MEP1B: variants seen among roughly 807,000 people sequenced by gnomAD.
The protein encoded by MEP1B is meprin A subunit beta.
A neutral mutation model predicts 84.6 loss-of-function variants in MEP1B; 80 were observed. The ratio of observed to expected loss-of-function variants is 0.95; its 90% CI spans 0.79 to 1.14. The LOEUF (loss-of-function observed/expected upper bound fraction) is 1.14, where lower values mean the gene tolerates loss of function less well. Ranked by LOEUF, MEP1B falls within the 50% of genes most tolerant of loss-of-function variation. The probability of loss-of-function intolerance (pLI) is 0.00; values close to 1 mark genes in which losing one functional copy is unlikely to be tolerated. For synonymous variants in MEP1B, 273 were observed against 288.1 expected, an observed-to-expected ratio of 0.95 and a Z score of 0.53; for missense variants, 766 against 855.1, an observed-to-expected ratio of 0.90 and a Z score of 1.30.
intron 7 of MEP1B, among the ~76,000 whole-genome samples, chr18:32,205,809 T>C (rs1463900843): frequency 6.6e-6 from 1 of 152,186 alleles, no homozygotes; most frequent in Non-Finnish European, 1.5e-5. Flanking sequence ...CATAATTGTA[T>C]ATACTTATGT....
intron 10 of MEP1B, among the ~76,000 whole-genome samples, 188 bp downstream of exon 10, chr18:32,210,904 T>A (rs564866614): frequency 1.3e-5 from 2 of 152,210 alleles, no homozygotes. Flanking sequence ...TGCTCTGTTA[T>A]GTAACACTCA....
intron 11 of MEP1B, among the ~76,000 whole-genome samples, chr18:32,214,868 A>G (rs554890194): frequency 6.6e-6 from 1 of 152,198 alleles, no homozygotes. Flanking sequence ...CTTATTCTAG[A>G]GTGTGGTCCT....
chr18:32,201,179 C>T (rs571655505), intron 5 of MEP1B, among the ~76,000 whole-genome samples: 1 of 152,128 alleles, frequency 6.6e-6, no homozygotes, highest in Non-Finnish European at 1.5e-5. Flanking sequence ...CTGTTTAAAA[C>T]AGTGATATGG....
chr18:32,196,075 C>G lies in MEP1B; in HGVS notation c.250+590C>G. 2.2e-6 allele frequency: 1 copy of G among 453,914 alleles called. No homozygotes were observed. The highest frequency in any genetic ancestry group is 4.1e-6 in the Non-Finnish European group (1 of 244,716). 28.1% of individuals were successfully genotyped at this position (453,914 alleles called of 1,614,324 possible). A position where few individuals can be genotyped will look rare whatever the true frequency, so the allele number is the denominator to read the frequency against. Reference sequence around the variant, plus strand: ...GTCATTGGCAGCCCGGGGCTGGGAACCCAGGTCCTCTGGTGCCCCCGCTGG... The same window carrying G: ...GTCATTGGCAGCCCGGGGCTGGGAAGCCAGGTCCTCTGGTGCCCCCGCTGG... On this transcript the variant is annotated intron_variant, in intron 5 of 14. Coordinates refer to ENST00000269202, the MANE Select transcript of MEP1B (RefSeq NM_005925.3). This position sits in a 1 kb window ranked among gnomAD's most constrained non-coding sequence, Gnocchi z 4.4.
In MEP1B at chr18:32,196,271, T is replaced by C; in HGVS notation, c.250+786T>C. 1.4e-6 allele frequency: 1 copy of C among 707,618 alleles called. No individual in the cohort carries two copies. The highest frequency in any genetic ancestry group is 2.6e-6 in the Non-Finnish European group (1 of 377,690). The allele number at this position is 707,618 out of a possible 1,614,324, so 43.8% of individuals were successfully genotyped here. A position where few individuals can be genotyped will look rare whatever the true frequency, so the allele number is the denominator to read the frequency against. ...AACTGCTCCAAGACGCTGGCCATGCTGGGGGCTGTGAAGTTGAGGGGCGGG... is the reference window on the plus strand; with the variant it reads ...AACTGCTCCAAGACGCTGGCCATGCCGGGGGCTGTGAAGTTGAGGGGCGGG... On this transcript the variant is annotated intron_variant, in intron 5 of 14. Transcript: ENST00000269202. This position sits in a 1 kb window ranked among gnomAD's most constrained non-coding sequence, Gnocchi z 4.4.
intron 7 of MEP1B, among the ~76,000 whole-genome samples, chr18:32,205,018 G>C (rs2040950206): frequency 1.3e-5 from 2 of 152,120 alleles, no homozygotes; most frequent in African/African-American, 4.8e-5. Flanking sequence ...TCCAATACAT[G>C]CTTTTGGGGG....
Position 32,210,707 on chromosome 18 carries a change from G to T in MEP1B, c.1126G>T (p.Glu376Ter). 5 of 1,612,330 alleles carry T rather than the reference G, an allele frequency of 3.1e-6. No individual in the cohort carries two copies. Among genetic ancestry groups the T allele is most frequent in the South Asian group, 1.1e-5 (1 of 90,998 alleles). ...GGATGGCAATTTAACCCTTGTGGAAGAAATAAAAGGTACAATGTCAACATC... is the reference window on the plus strand; with the variant it reads ...GGATGGCAATTTAACCCTTGTGGAATAAATAAAAGGTACAATGTCAACATC... The part of the protein sequence containing the change: ...NVDGNLTLVE[E>*]IKEIPTGSWQ... The change falls in exon 10 of 15, where the codon GAA becomes TAA. Residue 376 changes from glutamate to a stop codon, truncating the protein, a stop_gained. Transcript: ENST00000269202. LOFTEE classifies it high-confidence loss of function.
rs1393658062 is a variant in MEP1B at position 32,215,612 on chromosome 18, CA to C, written c.1759+352del. Among the ~76,000 whole-genome samples the C allele has an allele frequency of 3.3e-5, 5 of 152,220 alleles. No homozygotes were observed. In the East Asian group the frequency reaches 5.8e-4, roughly 18 times the overall value. On this transcript the variant is annotated intron_variant, in intron 12 of 14. Transcript: ENST00000269202. ...GACCGAGGCGAGTGGATCACGAGGTCAGGAGATCGAGACCATCCTGGCTAAC... is the reference window on the plus strand; with the variant it reads ...GACCGAGGCGAGTGGATCACGAGGTCGGAGATCGAGACCATCCTGGCTAAC...
At position 32,196,987 on chromosome 18, in the gene MEP1B, A is replaced by C. The variant is rs1447840137; in HGVS notation, c.250+1502A>C. 4.4e-6 allele frequency: 1 copy of C among 226,142 alleles called. No homozygotes were observed. The highest frequency in any genetic ancestry group is 2.3e-5 in the African/African-American group (1 of 43,384). 14.0% of individuals were successfully genotyped at this position (226,142 alleles called of 1,614,324 possible). A position where few individuals can be genotyped will look rare whatever the true frequency, so the allele number is the denominator to read the frequency against. Reference sequence around the variant, plus strand: ...TCACAGGGAGCCAGTCTTTATTTTAAAGCAGTGGTTTACCCTATGATCAAT... The same window carrying C: ...TCACAGGGAGCCAGTCTTTATTTTACAGCAGTGGTTTACCCTATGATCAAT... On this transcript the variant is annotated intron_variant, in intron 5 of 14. Coordinates refer to ENST00000269202, the MANE Select transcript of MEP1B (RefSeq NM_005925.3). The surrounding 1 kb of genome is among the most constrained non-coding windows in gnomAD (Gnocchi z 4.4).
intron 7 of MEP1B, among the ~76,000 whole-genome samples, chr18:32,205,892 T>C (rs1477792762): frequency 1.3e-5 from 2 of 152,236 alleles, no homozygotes; most frequent in African/African-American, 2.4e-5. Context: ...AGCCATCACC[T>C]CACTTATCAT....
At chr18:32,219,875 A>G (rs186570144) in intron 14 of MEP1B, among the ~76,000 whole-genome samples, 2 of 152,200 alleles carry the variant, frequency 1.3e-5, no homozygotes, top group Admixed American at 1.3e-4. Context: ...GGGTCATTTA[A>G]ACACATTCCT....
In MEP1B at chr18:32,192,805, C is replaced by T; in HGVS notation, c.159C>T (p.Ile53=). The change falls in exon 4 of 15, where the codon ATC becomes ATT. Residue 53 remains isoleucine (I), a synonymous_variant. Coordinates refer to ENST00000269202, the MANE Select transcript of MEP1B (RefSeq NM_005925.3). The part of the protein sequence containing the change: ...GLGLDLFEGD[I]RLDRAQIRNS... ...GACTGGATCTTTTTGAGGGTGACATCAGACTTGATAGGGTGAGTTGAAACA... is the reference window on the plus strand; with the variant it reads ...GACTGGATCTTTTTGAGGGTGACATTAGACTTGATAGGGTGAGTTGAAACA... 6.2e-7 allele frequency: 1 copy of T among 1,612,434 alleles called. No homozygotes were observed. Among genetic ancestry groups the T allele is most frequent in the Non-Finnish European group, 8.5e-7 (1 of 1,179,094 alleles).
At chr18:32,199,944 A>G (rs2040895288) in intron 5 of MEP1B, among the ~76,000 whole-genome samples, 1 of 151,974 alleles carries the variant, frequency 6.6e-6, no homozygotes, top group Non-Finnish European at 1.5e-5. Context: ...ATCCAGTTAT[A>G]TTTCTTTTTT....
chr18:32,208,345 AT>A, intron 9 of MEP1B, 74 bp downstream of exon 9: 1 of 1,354,228 alleles, frequency 7.4e-7, no homozygotes, highest in South Asian at 1.8e-5. Flanking sequence ...AAAGAATGGG[AT>A]TTTATCTCTA....
intron 2 of MEP1B, 45 bp from the exon 3 acceptor site, chr18:32,192,601 A>G: frequency 6.3e-7 from 1 of 1,577,730 alleles, no homozygotes. Flanking sequence ...TTCTCCTTTT[A>G]TAAACATAAT....
At chr18:32,195,555 A>C in intron 5 of MEP1B, 70 bp downstream of exon 5, 1 of 1,063,464 alleles carries the variant, frequency 9.4e-7, no homozygotes, top group Middle Eastern at 2.3e-4. Flanking sequence ...AGTGTTTCAA[A>C]GGGTGGGCTT....
rs925220831 is a variant in MEP1B, at chr18:32,196,401, C to G, written c.250+916C>G. 1.1e-5 allele frequency: 8 copies of G among 697,532 alleles called. No homozygotes were observed. Among genetic ancestry groups the G allele is most frequent in the African/African-American group, 3.5e-5 (2 of 57,022 alleles). 43.2% of individuals were successfully genotyped at this position (697,532 alleles called of 1,614,324 possible). The stretch of plus-strand genomic sequence containing the variant: ...GGTACTCAGAGCTCTCCTTGGTCTT[C>G]TCCTGGTCCTCGCCCAGCTGGGTCT... On this transcript the variant is annotated intron_variant, in intron 5 of 14. Transcript: ENST00000269202. This position sits in a 1 kb window ranked among gnomAD's most constrained non-coding sequence, Gnocchi z 4.4.
chr18:32,196,256 A>C lies in MEP1B; in HGVS notation c.250+771A>C. The stretch of plus-strand genomic sequence containing the variant: ...CCATTGATGCCTTTGAACTGCTCCA[A>C]GACGCTGGCCATGCTGGGGGCTGTG... On this transcript the variant is annotated intron_variant, in intron 5 of 14. Transcript: ENST00000269202. The surrounding 1 kb of genome is among the most constrained non-coding windows in gnomAD (Gnocchi z 4.4). 5.7e-6 allele frequency: 4 copies of C among 706,036 alleles called. No individual in the cohort carries two copies. Among genetic ancestry groups the C allele is most frequent in the Non-Finnish European group, 1.1e-5 (4 of 376,258 alleles). The allele number at this position is 706,036 out of a possible 1,614,324, so 43.7% of individuals were successfully genotyped here.
chr18:32,204,296 G>A lies in MEP1B; in HGVS notation c.483G>A (p.Trp161Ter). Residue 161 changes from tryptophan (W) to a stop codon, truncating the protein, a stop_gained, in exon 7 of 15, where the codon TGG (tryptophan) becomes TGA (stop). Transcript: ENST00000269202. LOFTEE classifies it high-confidence loss of function. ...AGTTCCTCCACGCTCTGGGATTCTG[G>A]CATGAGCAGTCGCGTTCTGACCGGG... ...QHEFLHALGF[W>*]HEQSRSDRDD... 1.2e-6 allele frequency: 2 copies of A among 1,604,118 alleles called. No homozygotes were observed. Among genetic ancestry groups the A allele is most frequent in the Non-Finnish European group, 1.7e-6 (2 of 1,175,626 alleles).
Sources: allele counts gnomAD v4.1 joint callset (sites outside exome capture counted in the v4.1 genomes callset), GRCh38; gene constraint gnomAD v4.1.1; non-coding constraint Gnocchi (gnomAD v3.1); transcripts MANE v1.5; gene names NCBI Gene and HGNC (gene_info 2026-07-23, HGNC 2026-07-21).